The following LRRC37A2 variants were observed in gnomAD, a reference collection of about 807,000 sequenced individuals.
The protein encoded by LRRC37A2 is leucine-rich repeat-containing protein 37A2.
LRRC37A2 carries 9 observed loss-of-function variants against 68.8 expected under a neutral mutation model. The observed-to-expected ratio is 0.13, with a 90% CI of 0.08 to 0.23. The LOEUF (loss-of-function observed/expected upper bound fraction) is 0.23, where lower values mean the gene tolerates loss of function less well. LRRC37A2 is among the 10% of genes least tolerant of loss of function. The pLI, the probability that LRRC37A2 is intolerant of heterozygous loss-of-function variation, is 1.00. For missense variants in LRRC37A2, 168 were observed against 950.4 expected, an observed-to-expected ratio of 0.18 and a Z score of 10.82; for synonymous variants, 63 against 367.6, an observed-to-expected ratio of 0.17 and a Z score of 9.48.
chr17:46,707,843 C>T, the LRRC37A2 span, among the ~76,000 whole-genome samples: 6 of 151,758 alleles, frequency 4.0e-5, no homozygotes, highest in Admixed American at 3.3e-4. Flanking sequence ...ACTAGCCTGG[C>T]CAACATAGTG....
the LRRC37A2 span, chr17:46,911,544 G>A: frequency 1.3e-5 from 2 of 152,328 alleles, no homozygotes; most frequent in African/African-American, 4.8e-5. Context: ...CATAGCTTTG[G>A]ATGTTTTACG....
At chr17:46,957,902 G>C in the LRRC37A2 span, among the ~76,000 whole-genome samples, 1 of 152,312 alleles carries the variant, frequency 6.6e-6, no homozygotes, top group South Asian at 2.1e-4. Context: ...CACCCAGGAC[G>C]CTGCAGCAGG....
At chr17:46,817,627 C>T in the LRRC37A2 span, among the ~76,000 whole-genome samples, 21 of 142,148 alleles carry the variant, frequency 1.5e-4, no homozygotes, top group Non-Finnish European at 2.6e-4. Context: ...CCCCCAGACA[C>T]GCACAGCCCC....
chr17:46,722,203 G>A, the LRRC37A2 span: 14 of 1,553,334 alleles, frequency 9.0e-6, no homozygotes, highest in East Asian at 2.9e-4. Flanking sequence ...CGCCTGCTTA[G>A]GAAGAGACCC....
chr17:46,771,110 T>TGGCTCCCGCGGCCGCTCTCCGC, the LRRC37A2 span, among the ~76,000 whole-genome samples: 10 of 152,170 alleles, frequency 6.6e-5, no homozygotes, highest in Admixed American at 6.5e-4. Flanking sequence ...GGACCCCTCT[T>TGGCTCCCGCGGCCGCTCTCCGC]GGCTCCCGCG....
At chr17:46,721,008 G>C in the LRRC37A2 span, among the ~76,000 whole-genome samples, 14 of 152,194 alleles carry the variant, frequency 9.2e-5, no homozygotes, top group Non-Finnish European at 1.8e-4. Context: ...TGGCTCCCCA[G>C]TTGTCTGAAG....
chr17:46,818,544 C>G, the LRRC37A2 span: 1 of 1,608,740 alleles, frequency 6.2e-7, no homozygotes, highest in Non-Finnish European at 8.5e-7. Flanking sequence ...CAGCGAGGAC[C>G]CTGGTGCCAC....
the LRRC37A2 span, among the ~76,000 whole-genome samples, chr17:46,489,326 C>T: frequency 5.2e-5 from 5 of 96,012 alleles, no homozygotes; most frequent in Non-Finnish European, 1.1e-4. Context: ...TTAGTAGAGA[C>T]GGGGTTTCAC....
At chr17:46,932,766 T>C in the LRRC37A2 span, 6 of 181,798 alleles carry the variant, frequency 3.3e-5, no homozygotes, top group South Asian at 7.0e-4. Context: ...CCATTGTCCC[T>C]GCCCTTTAGT....
chr17:46,745,708 C>T, the LRRC37A2 span, among the ~76,000 whole-genome samples: 4 of 152,314 alleles, frequency 2.6e-5, no homozygotes, highest in South Asian at 8.3e-4. Flanking sequence ...GTAACAGTTA[C>T]CTTTAATCAT....
At chr17:46,609,329 G>A in the LRRC37A2 span, among the ~76,000 whole-genome samples, 1 of 148,216 alleles carries the variant, frequency 6.7e-6, no homozygotes, top group Non-Finnish European at 1.5e-5. Context: ...TAGGTTTATG[G>A]TGTTTTATGT....
the LRRC37A2 span, among the ~76,000 whole-genome samples, chr17:47,023,554 G>T: frequency 6.6e-6 from 1 of 152,140 alleles, no homozygotes; most frequent in African/African-American, 2.4e-5. Context: ...GGTGGTGGGT[G>T]CCTGTAATCC....
chr17:46,904,560 G>A, the LRRC37A2 span, among the ~76,000 whole-genome samples: 1 of 151,976 alleles, frequency 6.6e-6, no homozygotes, highest in African/African-American at 2.4e-5. Context: ...CGGGTAGCTG[G>A]CTGGCTGGTT....
the LRRC37A2 span, among the ~76,000 whole-genome samples, chr17:46,872,168 C>T: frequency 6.6e-6 from 1 of 152,094 alleles, no homozygotes; most frequent in Admixed American, 6.5e-5. Context: ...ATTCCCAGGC[C>T]CAATTCCAAA....
the LRRC37A2 span, among the ~76,000 whole-genome samples, chr17:46,985,929 CA>C: frequency 6.6e-6 from 1 of 152,320 alleles, no homozygotes; most frequent in East Asian, 1.9e-4. Context: ...TCGTCTACCC[CA>C]AAAGTACTGC....
the LRRC37A2 span, chr17:46,764,391 C>T: frequency 4.6e-5 from 7 of 152,570 alleles, no homozygotes; most frequent in Admixed American, 4.6e-4. Context: ...AAAAGAAAGC[C>T]CCCTTCTTTA....
the LRRC37A2 span, among the ~76,000 whole-genome samples, chr17:46,807,387 CAGG>C: frequency 1.3e-5 from 2 of 152,172 alleles, no homozygotes; most frequent in Non-Finnish European, 2.9e-5. Context: ...GAGGCTGAGG[CAGG>C]AGAATTGCTT....
the LRRC37A2 span, among the ~76,000 whole-genome samples, chr17:46,794,755 T>TTTC: frequency 3.1e-4 from 44 of 142,726 alleles, no homozygotes; most frequent in African/African-American, 1.2e-3. Context: ...TCTTTTTCTT[T>TTTC]TTTTTTTTTT....
the LRRC37A2 span, among the ~76,000 whole-genome samples, chr17:46,986,492 T>G: frequency 6.6e-6 from 1 of 152,192 alleles, no homozygotes; most frequent in Non-Finnish European, 1.5e-5. Context: ...AGCATCTGGC[T>G]TCCCGAGTAG....
Sources: allele counts gnomAD v4.1 joint callset (sites outside exome capture counted in the v4.1 genomes callset), GRCh38; gene constraint gnomAD v4.1.1; transcripts MANE v1.5; gene names NCBI Gene and HGNC (gene_info 2026-07-23, HGNC 2026-07-21).